Variants in SPATA9 observed in about 807,000 individuals in gnomAD.
SPATA9 encodes the protein spermatogenesis-associated protein 9.
In SPATA9, 27 loss-of-function variants were observed where a neutral mutation model predicts 25.5. The ratio of observed to expected loss-of-function variants is 1.06; its 90% CI spans 0.78 to 1.46. The LOEUF is 1.46. Ranked by LOEUF, SPATA9 falls within the 40% of genes most tolerant of loss-of-function variation. SPATA9 has a pLI of 0.00. For synonymous variants in SPATA9, 102 were observed against 105.7 expected, an observed-to-expected ratio of 0.97 and a Z score of 0.21; for missense variants, 282 against 297.5, an observed-to-expected ratio of 0.95 and a Z score of 0.38.
At chr5:95,676,104 G>T (rs181225222) in intron 2 of SPATA9, among the ~76,000 whole-genome samples, 5 of 152,150 alleles carry the variant, frequency 3.3e-5, no homozygotes, top group Admixed American at 3.3e-4. Flanking sequence ...TTACAGGTGT[G>T]AGCCACCACA....
chr5:95,697,467 A>G (rs1580359633), intron 1 of SPATA9, among the ~76,000 whole-genome samples: 1 of 152,198 alleles, frequency 6.6e-6, no homozygotes, highest in East Asian at 1.9e-4. Context: ...ACAGAGAGAG[A>G]GAGACAGAGA....
chr5:95,719,886 A>G, the SPATA9 span: 2 of 152,230 alleles, frequency 1.3e-5, no homozygotes, highest in Admixed American at 6.5e-5. Flanking sequence ...GTATAGTTCT[A>G]ATAAAAGTGT....
chr5:95,692,203 C>T (rs150588236), intron 1 of SPATA9, among the ~76,000 whole-genome samples: 2 of 151,850 alleles, frequency 1.3e-5, no homozygotes, highest in African/African-American at 4.8e-5. Context: ...TTCAGTGGTG[C>T]CTGAAATAAT....
At chr5:95,664,075 A>C (rs1163070063) in intron 3 of SPATA9, 27 bp from the exon 4 acceptor site, 7 of 1,348,840 alleles carry the variant, frequency 5.2e-6, no homozygotes, top group Non-Finnish European at 7.1e-6. Flanking sequence ...GATTTTCTTA[A>C]TAAACAAACA....
At chr5:95,679,296 A>G (rs758043121) in intron 2 of SPATA9, among the ~76,000 whole-genome samples, 8 of 152,168 alleles carry the variant, frequency 5.3e-5, no homozygotes, top group Non-Finnish European at 8.8e-5. Flanking sequence ...TGCTGGCCTG[A>G]GCTATTTGAC....
At chr5:95,681,314 G>A (rs1014211642) in intron 2 of SPATA9, among the ~76,000 whole-genome samples, 2 of 152,050 alleles carry the variant, frequency 1.3e-5, no homozygotes, top group Non-Finnish European at 2.9e-5. Flanking sequence ...TTGGAAACAT[G>A]CTATGCTGTT....
the SPATA9 span, among the ~76,000 whole-genome samples, chr5:95,709,523 G>A: frequency 6.6e-6 from 1 of 152,160 alleles, no homozygotes; most frequent in African/African-American, 2.4e-5. Context: ...TAGGCACAAT[G>A]GAACTTCCAC....
the SPATA9 span, among the ~76,000 whole-genome samples, chr5:95,715,852 T>C: frequency 6.6e-6 from 1 of 152,136 alleles, no homozygotes; most frequent in Non-Finnish European, 1.5e-5. Flanking sequence ...AAATCTAGAA[T>C]ACAGAAAGAA....
At chr5:95,731,813 C>G in the SPATA9 span, 3 of 1,599,942 alleles carry the variant, frequency 1.9e-6, no homozygotes, top group Non-Finnish European at 2.6e-6. Flanking sequence ...GAGACCCGCG[C>G]GCTGACCGTG....
Position 95,682,813 on chromosome 5 carries a change from C to A in SPATA9, c.42G>T (p.Leu14Phe), listed in dbSNP as rs1561415236. The change falls in exon 1 of 5, where the codon TTG becomes TTT. Residue 14 changes from leucine to phenylalanine, a missense_variant. Coordinates refer to ENST00000274432, the MANE Select transcript of SPATA9 (RefSeq NM_031952.4). Reference sequence around the variant, plus strand: ...GTATACTTCTTCCAGAAAAGTTCTTCAACACCTGCCCACATATCCACCCAA... The same window carrying A: ...GTATACTTCTTCCAGAAAAGTTCTTAAACACCTGCCCACATATCCACCCAA... ...KPVGWICGQV[L>F]KNFSGRIEGI... 2 of 1,549,554 alleles carry A rather than the reference C, an allele frequency of 1.3e-6. No homozygotes were observed. Among genetic ancestry groups the A allele is most frequent in the East Asian group, 4.5e-5 (2 of 44,144 alleles).
At chr5:95,721,394 C>G in the SPATA9 span, among the ~76,000 whole-genome samples, 1 of 152,160 alleles carries the variant, frequency 6.6e-6, no homozygotes, top group African/African-American at 2.4e-5. Flanking sequence ...GCTGGTAACA[C>G]AAGAACATGC....
At chr5:95,731,509 C>T in the SPATA9 span, 24 of 1,252,266 alleles carry the variant, frequency 1.9e-5, no homozygotes, top group Non-Finnish European at 2.4e-5. Flanking sequence ...GGCTCGCTCG[C>T]TGGCTGGCGC....
chr5:95,731,901 C>T, the SPATA9 span: 2 of 1,614,050 alleles, frequency 1.2e-6, no homozygotes, highest in East Asian at 4.5e-5. Flanking sequence ...GGGACACATT[C>T]CACCAGGACA....
intron 1 of SPATA9, among the ~76,000 whole-genome samples, chr5:95,691,770 C>T (rs1753901599): frequency 6.6e-6 from 1 of 152,092 alleles, no homozygotes; most frequent in East Asian, 1.9e-4. Context: ...CTATGTTGTT[C>T]CTGTTTTCAA....
chr5:95,700,672 C>T (rs1754159374), upstream of SPATA9, among the ~76,000 whole-genome samples: 1 of 152,110 alleles, frequency 6.6e-6, no homozygotes, highest in Non-Finnish European at 1.5e-5. Context: ...AGCGATCTGC[C>T]CACCTCGGCC....
At chr5:95,708,836 C>A in the SPATA9 span, 1 of 550,150 alleles carries the variant, frequency 1.8e-6, no homozygotes, top group Non-Finnish European at 3.2e-6. Flanking sequence ...AATACACGTC[C>A]TGTTGTGAAA....
chr5:95,652,450 T>C (rs1477734805), downstream of SPATA9: 1 of 1,268,296 alleles, frequency 7.9e-7, no homozygotes, highest in Non-Finnish European at 1.1e-6. Flanking sequence ...GTCTCTGAGA[T>C]ACCTTAAACT....
chr5:95,687,048 T>C (rs998845311), upstream of SPATA9, among the ~76,000 whole-genome samples: 3 of 152,156 alleles, frequency 2.0e-5, no homozygotes, highest in Admixed American at 6.5e-5. Flanking sequence ...GTGGTACCTA[T>C]TGTGTCCAGA....
intron 3 of SPATA9, chr5:95,674,858 TG>T (rs1366895981): frequency 2.2e-6 from 1 of 453,386 alleles, no homozygotes; most frequent in Non-Finnish European, 4.4e-6. Flanking sequence ...CTGAATCTTT[TG>T]TAGTGACATT....
Sources: gnomAD v4.1 joint callset for allele counts (sites outside exome capture counted in the v4.1 genomes callset) on GRCh38, gnomAD v4.1.1 for gene constraint, MANE v1.5 for transcripts, NCBI Gene and HGNC (gene_info 2026-07-23, HGNC 2026-07-21) for gene names.